The following DCC variants were observed in gnomAD, a reference collection of about 807,000 sequenced individuals.
DCC encodes the protein netrin receptor DCC.
A neutral mutation model predicts 172.5 loss-of-function variants in DCC; 58 were observed. That is an observed-to-expected ratio of 0.34 (90% CI 0.27 to 0.42). The LOEUF is 0.42. Among genes scored for constraint, DCC ranks in the 10% least tolerant of loss-of-function variants. The pLI, the probability that DCC is intolerant of heterozygous loss-of-function variation, is 1.00. For synonymous variants in DCC, 709 were observed against 644.5 expected (o/e 1.10, Z -1.52); for missense variants, 1,740 against 1,791.0 (o/e 0.97, Z 0.51).
At chr18:52,706,911 G>A (rs908155519) in intron 1 of DCC, among the ~76,000 whole-genome samples, 1 of 152,120 alleles carries the variant, frequency 6.6e-6, no homozygotes, top group African/African-American at 2.4e-5. Context: ...GATCAGAGAG[G>A]GTCCCAGGGA....
At chr18:53,207,519 G>GT (rs2055672147) in intron 10 of DCC, among the ~76,000 whole-genome samples, 160 bp from the exon 11 acceptor site, 1 of 152,288 alleles carries the variant, frequency 6.6e-6, no homozygotes, top group Admixed American at 6.5e-5. Flanking sequence ...TTGGTTTTTA[G>GT]TGGGGGAGTC....
intron 5 of DCC, among the ~76,000 whole-genome samples, chr18:52,945,679 TG>T (rs1217908606): frequency 6.6e-6 from 1 of 152,200 alleles, no homozygotes; most frequent in African/African-American, 2.4e-5. Flanking sequence ...AGCTGAAGGC[TG>T]GATGTCAGCT....
chr18:52,482,105 T>C (rs753795596), intron 1 of DCC, among the ~76,000 whole-genome samples: 11 of 152,092 alleles, frequency 7.2e-5, no homozygotes, highest in Admixed American at 1.3e-4. Flanking sequence ...CACCCACCCA[T>C]ATGCAACGCT....
At chr18:52,819,107 G>T (rs1460362897) in intron 2 of DCC, among the ~76,000 whole-genome samples, 3 of 150,920 alleles carry the variant, frequency 2.0e-5, no homozygotes, top group East Asian at 2.0e-4. Flanking sequence ...GAAATATTTT[G>T]CATGTAGGTA....
At chr18:52,890,933 T>A (rs2039640605) in intron 2 of DCC, among the ~76,000 whole-genome samples, 1 of 152,086 alleles carries the variant, frequency 6.6e-6, no homozygotes, top group Non-Finnish European at 1.5e-5. Context: ...GTTCTTGATC[T>A]TCTCTTCCTT....
chr18:53,272,087 A>G (rs2056755521), intron 12 of DCC, among the ~76,000 whole-genome samples: 1 of 152,114 alleles, frequency 6.6e-6, no homozygotes, highest in Non-Finnish European at 1.5e-5. Flanking sequence ...TAGAGGGTTA[A>G]GAAACTTAGT....
At chr18:52,505,113 G>A (rs772384555) in intron 1 of DCC, among the ~76,000 whole-genome samples, 55 of 152,228 alleles carry the variant, frequency 3.6e-4, no homozygotes, top group Middle Eastern at 3.4e-3. Flanking sequence ...ATCAGAGAAC[G>A]TATCAACTTG....
At position 52,723,846 on chromosome 18, in the gene DCC, G is replaced by A. The variant is rs184559086; in HGVS notation, c.92-28208G>A. Among the ~76,000 whole-genome samples, 14 of 152,240 alleles carry A rather than the reference G, an allele frequency of 9.2e-5. No individual in the cohort carries two copies. In the East Asian group the frequency reaches 9.7e-4, roughly 11 times the overall value. On this transcript the variant is annotated intron_variant, in intron 1 of 28. Coordinates refer to ENST00000442544, the MANE Select transcript of DCC (RefSeq NM_005215.4). ...GAACCAGAGAGGTAAGGGCAAAGGC[G>A]AGCCTAAGCTGACCCTCAGGCATCC...
chr18:53,214,531 C>T (rs376193440), intron 11 of DCC, among the ~76,000 whole-genome samples: 1 of 152,028 alleles, frequency 6.6e-6, no homozygotes, highest in East Asian at 1.9e-4. Context: ...TTTCCAAATT[C>T]TAGTAAAAGA....
intron 5 of DCC, among the ~76,000 whole-genome samples, chr18:52,926,435 TATACTAAC>T (rs1237937400): frequency 6.6e-6 from 1 of 151,824 alleles, no homozygotes; most frequent in Non-Finnish European, 1.5e-5. Flanking sequence ...GAGGTAGTAT[TATACTAAC>T]TAAAATATTA....
intron 12 of DCC, among the ~76,000 whole-genome samples, chr18:53,271,816 G>A (rs764691405): frequency 6.6e-6 from 1 of 152,146 alleles, no homozygotes; most frequent in Non-Finnish European, 1.5e-5. Flanking sequence ...CATTTTTGAG[G>A]CTGCCTACCA....
chr18:52,965,293 A>G (rs886755669), intron 5 of DCC, among the ~76,000 whole-genome samples: 2 of 152,214 alleles, frequency 1.3e-5, no homozygotes, highest in African/African-American at 4.8e-5. Context: ...ACTAAGTACT[A>G]GAAGTCAAGG....
At chr18:52,583,862 C>G (rs962785849) in intron 1 of DCC, among the ~76,000 whole-genome samples, 5 of 152,190 alleles carry the variant, frequency 3.3e-5, no homozygotes, top group Non-Finnish European at 7.3e-5. Context: ...ATAGCAATGT[C>G]CCATTTCCAT....
At chr18:53,114,118 C>A (rs117027052) in intron 7 of DCC, among the ~76,000 whole-genome samples, 1,556 of 151,578 alleles carry the variant, frequency 0.01, 9 homozygotes, top group Non-Finnish European at 0.016. Flanking sequence ...CCTTTGCAAT[C>A]GTAACTTGTG....
At chr18:52,702,326 AC>A (rs534965106) in intron 1 of DCC, among the ~76,000 whole-genome samples, 106 of 152,210 alleles carry the variant, frequency 7.0e-4, no homozygotes, top group African/African-American at 2.5e-3. Flanking sequence ...CATTTATAAT[AC>A]AGCCCATGCT....
chr18:53,229,494 C>T (rs546744138), intron 12 of DCC, among the ~76,000 whole-genome samples: 1 of 152,080 alleles, frequency 6.6e-6, no homozygotes, highest in South Asian at 2.1e-4. Context: ...TATCTATGCC[C>T]TTTAGGTTAT....
At chr18:52,941,345 T>C (rs2040459643) in intron 5 of DCC, among the ~76,000 whole-genome samples, 1 of 152,154 alleles carries the variant, frequency 6.6e-6, no homozygotes, top group South Asian at 2.1e-4. Context: ...TAGATTATTA[T>C]GGATATTTTA....
chr18:52,378,326 G>T (rs1249258426), intron 1 of DCC, among the ~76,000 whole-genome samples: 1 of 150,942 alleles, frequency 6.6e-6, no homozygotes, highest in Admixed American at 6.6e-5. Context: ...AAAAAAACTA[G>T]AATTTCACAT....
rs191956273 is a variant in DCC at position 52,373,097 on chromosome 18, A to T, written c.91+32219A>T. Among the ~76,000 whole-genome samples the T allele has an allele frequency of 6.1e-3, 930 of 152,200 alleles. 10 individuals are homozygous for T. The highest frequency in any genetic ancestry group is 0.02 in the African/African-American group (830 of 41,492). ...TCAGAGAGAAAGATACAGATTTTTT[A>T]AAAAAATGTAAACACATCCAGAAGA... On this transcript the variant is annotated intron_variant, in intron 1 of 28. Transcript: ENST00000442544.
Sources: gnomAD v4.1 joint callset for allele counts (sites outside exome capture counted in the v4.1 genomes callset) on GRCh38, gnomAD v4.1.1 for gene constraint, MANE v1.5 for transcripts, NCBI Gene and HGNC (gene_info 2026-07-23, HGNC 2026-07-21) for gene names.